The following EIF3H variants were observed in gnomAD, a reference collection of about 807,000 sequenced individuals.
The protein encoded by EIF3H is eukaryotic translation initiation factor 3 subunit H.
EIF3H carries 26 observed loss-of-function variants against 44.2 expected under a neutral mutation model. The observed-to-expected ratio is 0.59, with a 90% CI of 0.43 to 0.82. The LOEUF (loss-of-function observed/expected upper bound fraction) is 0.82, where lower values mean the gene tolerates loss of function less well. EIF3H is among the 40% of genes least tolerant of loss of function. EIF3H has a pLI of 0.00. For synonymous variants in EIF3H, 166 were observed against 151.9 expected, an observed-to-expected ratio of 1.09 and a Z score of -0.68; for missense variants, 359 against 432.8, an observed-to-expected ratio of 0.83 and a Z score of 1.51.
intron 2 of EIF3H, among the ~76,000 whole-genome samples, chr8:116,692,126 C>A (rs931982752): frequency 6.6e-6 from 1 of 152,106 alleles, no homozygotes; most frequent in African/African-American, 2.4e-5. Flanking sequence ...CTGGCACTAC[C>A]TTCTTTTACT....
chr8:116,737,990 G>A (rs983335302), intron 1 of EIF3H, among the ~76,000 whole-genome samples: 1 of 138,780 alleles, frequency 7.2e-6, no homozygotes, highest in East Asian at 2.2e-4. Context: ...AGCCGAGATC[G>A]CACTATTGCA....
intron 1 of EIF3H, among the ~76,000 whole-genome samples, chr8:116,738,442 T>C (rs1360532987): frequency 6.6e-6 from 1 of 152,340 alleles, no homozygotes; most frequent in Non-Finnish European, 1.5e-5. Flanking sequence ...TCTTCAACTC[T>C]GTGAATATCA....
At chr8:116,686,317 A>C (rs1814077141) in intron 2 of EIF3H, among the ~76,000 whole-genome samples, 1 of 152,176 alleles carries the variant, frequency 6.6e-6, no homozygotes, top group Non-Finnish European at 1.5e-5. Context: ...GTTCAAAGTC[A>C]ATGATAAGCT....
At chr8:116,715,481 G>A (rs1468497489) in intron 2 of EIF3H, among the ~76,000 whole-genome samples, 1 of 152,042 alleles carries the variant, frequency 6.6e-6, no homozygotes, top group East Asian at 1.9e-4. Context: ...AATTTTAGGA[G>A]TACAAGGCAG....
At chr8:116,746,931 C>T (rs1563660912) in intron 1 of EIF3H, among the ~76,000 whole-genome samples, 2 of 152,076 alleles carry the variant, frequency 1.3e-5, no homozygotes, top group Non-Finnish European at 2.9e-5. Flanking sequence ...AAAAAGGCAC[C>T]AACTAGAAAC....
intron 2 of EIF3H, among the ~76,000 whole-genome samples, chr8:116,681,979 G>C (rs1164679213): frequency 1.3e-5 from 2 of 152,144 alleles, no homozygotes; most frequent in African/African-American, 4.8e-5. Flanking sequence ...AAGGAGTTCA[G>C]TAACGGAAGT....
intron 1 of EIF3H, among the ~76,000 whole-genome samples, chr8:116,736,589 G>T (rs1323113516): frequency 6.6e-6 from 1 of 152,142 alleles, no homozygotes; most frequent in Non-Finnish European, 1.5e-5. Context: ...TTCAACCGGG[G>T]AGGCAGAGTT....
intron 2 of EIF3H, among the ~76,000 whole-genome samples, chr8:116,702,623 T>C (rs1469722365): frequency 1.3e-5 from 2 of 152,034 alleles, no homozygotes; most frequent in Non-Finnish European, 2.9e-5. Context: ...ATGAGCAATA[T>C]ATAATATAAA....
chr8:116,750,151 G>A (rs1030347916), intron 1 of EIF3H, among the ~76,000 whole-genome samples: 1 of 152,282 alleles, frequency 6.6e-6, no homozygotes, highest in African/African-American at 2.4e-5. Flanking sequence ...GGCTAGACCT[G>A]GCATGTGGTC....
chr8:116,724,992 CAGCATTATTCACAAT>C (rs559387177), intron 2 of EIF3H, among the ~76,000 whole-genome samples: 18 of 152,326 alleles, frequency 1.2e-4, no homozygotes, highest in African/African-American at 4.3e-4. Context: ...ATGTTCACTG[CAGCATTATTCACAAT>C]AGCCAACAGG....
intron 1 of EIF3H, among the ~76,000 whole-genome samples, chr8:116,732,097 A>C (rs1418195383): frequency 1.3e-5 from 2 of 152,200 alleles, no homozygotes. Context: ...TGTCTGCTGA[A>C]ATTACCCTGC....
chr8:116,701,527 G>C (rs937233588), intron 2 of EIF3H, among the ~76,000 whole-genome samples: 3 of 152,134 alleles, frequency 2.0e-5, no homozygotes, highest in Non-Finnish European at 4.4e-5. Context: ...GGAATAAAAA[G>C]TAACTTTTCA....
At chr8:116,697,366 A>G (rs1370949663) in intron 2 of EIF3H, 2 of 364,720 alleles carry the variant, frequency 5.5e-6, no homozygotes, top group East Asian at 1.5e-4. Flanking sequence ...GCTTTCACCA[A>G]CCCAATTGCT....
chr8:116,723,551 T>G (rs1814787405), intron 2 of EIF3H, among the ~76,000 whole-genome samples: 1 of 152,228 alleles, frequency 6.6e-6, no homozygotes, highest in Non-Finnish European at 1.5e-5. Flanking sequence ...GAAAACCTGC[T>G]TTGCAGACAA....
intron 4 of EIF3H, among the ~76,000 whole-genome samples, chr8:116,656,708 A>C (rs1813496363): frequency 6.6e-6 from 1 of 152,226 alleles, no homozygotes; most frequent in Non-Finnish European, 1.5e-5. Context: ...ATTTAAAGTA[A>C]ATATTACAAT....
chr8:116,712,457 C>T (rs1449886671), intron 2 of EIF3H, among the ~76,000 whole-genome samples: 2 of 152,098 alleles, frequency 1.3e-5, no homozygotes, highest in African/African-American at 2.4e-5. Flanking sequence ...AAGAGGGAGA[C>T]GTGGGGTTTC....
chr8:116,729,505 A>G (rs1814916026), intron 1 of EIF3H, among the ~76,000 whole-genome samples: 1 of 152,236 alleles, frequency 6.6e-6, no homozygotes, highest in South Asian at 2.1e-4. Flanking sequence ...AGCCAATGCA[A>G]TTTTATGTAG....
chr8:116,709,761 A>T (rs1319447475), intron 2 of EIF3H, among the ~76,000 whole-genome samples: 2 of 152,210 alleles, frequency 1.3e-5, no homozygotes, highest in African/African-American at 2.4e-5. Context: ...AAATGCTAGG[A>T]TTATTAAATC....
intron 2 of EIF3H, among the ~76,000 whole-genome samples, chr8:116,698,129 A>C (rs536909695): frequency 3.8e-4 from 58 of 152,290 alleles, no homozygotes; most frequent in African/African-American, 1.4e-3. Context: ...CCCGAGGGCC[A>C]TTATCATGGC....
Sources: gnomAD v4.1 joint callset for allele counts (sites outside exome capture counted in the v4.1 genomes callset) on GRCh38, gnomAD v4.1.1 for gene constraint, MANE v1.5 for transcripts, NCBI Gene and HGNC (gene_info 2026-07-23, HGNC 2026-07-21) for gene names.